RALYL: variants seen among roughly 807,000 people sequenced by gnomAD.
The protein encoded by RALYL is RNA-binding Raly-like protein.
Under a neutral mutation model 35.1 loss-of-function variants are expected in RALYL, and 29 were observed. The observed-to-expected ratio is 0.83, with a 90% CI of 0.61 to 1.13. The LOEUF (loss-of-function observed/expected upper bound fraction) is 1.13, where lower values mean the gene tolerates loss of function less well. Ranked by LOEUF, RALYL falls within the 50% of genes most tolerant of loss-of-function variation. RALYL has a pLI of 0.00. For missense variants in RALYL, 359 were observed against 360.4 expected, an observed-to-expected ratio of 1.00 and a Z score of 0.03; for synonymous variants, 120 against 127.6, an observed-to-expected ratio of 0.94 and a Z score of 0.40.
chr8:84,294,299 A>G (rs958578078), intron 1 of RALYL, among the ~76,000 whole-genome samples: 1 of 152,170 alleles, frequency 6.6e-6, no homozygotes, highest in African/African-American at 2.4e-5. Flanking sequence ...ATGTGGAATT[A>G]GAGGATGCAA....
intron 1 of RALYL, among the ~76,000 whole-genome samples, chr8:84,456,125 A>G (rs904043255): frequency 6.6e-6 from 1 of 152,022 alleles, no homozygotes; most frequent in African/African-American, 2.4e-5. Flanking sequence ...AAGAGAGACC[A>G]ATGGGGCAGA....
At chr8:84,471,252 C>T (rs2052704965) in intron 1 of RALYL, among the ~76,000 whole-genome samples, 1 of 151,914 alleles carries the variant, frequency 6.6e-6, no homozygotes, top group African/African-American at 2.4e-5. Context: ...TTAAAATTAG[C>T]TCTTTGTTTA....
chr8:84,455,161 G>A (rs1382608211), intron 1 of RALYL, among the ~76,000 whole-genome samples: 1 of 152,002 alleles, frequency 6.6e-6, no homozygotes, highest in Non-Finnish European at 1.5e-5. Flanking sequence ...ATCTCTGGCT[G>A]AGTTCATCGG....
chr8:84,708,544 C>A (rs1336407716), intron 2 of RALYL, among the ~76,000 whole-genome samples: 1 of 151,992 alleles, frequency 6.6e-6, no homozygotes, highest in Non-Finnish European at 1.5e-5. Flanking sequence ...ATTGCCAGAG[C>A]CAAACAGGTA....
intron 2 of RALYL, among the ~76,000 whole-genome samples, chr8:84,704,479 A>G (rs1174160361): frequency 9.7e-6 from 1 of 102,770 alleles, no homozygotes; most frequent in Non-Finnish European, 2.1e-5. Flanking sequence ...ACACACACAC[A>G]CACAACAACT....
intron 1 of RALYL, among the ~76,000 whole-genome samples, chr8:84,228,887 C>T (rs557429119): frequency 9.2e-5 from 14 of 152,246 alleles, no homozygotes; most frequent in East Asian, 3.9e-4. Flanking sequence ...GAGAACAGTA[C>T]GGTGGAAACT....
intron 7 of RALYL, among the ~76,000 whole-genome samples, 200 bp from the exon 8 acceptor site, chr8:84,887,404 T>C (rs1253838330): frequency 6.6e-6 from 1 of 152,196 alleles, no homozygotes; most frequent in Admixed American, 6.5e-5. Flanking sequence ...ATAAATATGC[T>C]TACATGTAAG....
chr8:84,623,469 T>A (rs985899246), intron 2 of RALYL, among the ~76,000 whole-genome samples: 2 of 146,068 alleles, frequency 1.4e-5, no homozygotes, highest in Non-Finnish European at 3.1e-5. Flanking sequence ...ACCCCTTAGG[T>A]CATCCTACTG....
intron 1 of RALYL, among the ~76,000 whole-genome samples, chr8:84,203,044 A>G (rs1817272474): frequency 6.6e-6 from 1 of 152,198 alleles, no homozygotes; most frequent in Non-Finnish European, 1.5e-5. Flanking sequence ...GCCACACAAC[A>G]AAAGAATGTT....
intron 1 of RALYL, among the ~76,000 whole-genome samples, chr8:84,189,097 G>A (rs1464892631): frequency 1.3e-5 from 2 of 151,976 alleles, no homozygotes; most frequent in Non-Finnish European, 2.9e-5. Context: ...CTCCTCAGCT[G>A]GGGGTCAAGA....
chr8:84,896,873 G>A (rs1844843508), intron 8 of RALYL, among the ~76,000 whole-genome samples: 1 of 151,930 alleles, frequency 6.6e-6, no homozygotes, highest in Non-Finnish European at 1.5e-5. Flanking sequence ...ATAGAGATAG[G>A]GTCTCCAGAT....
At chr8:84,551,366 A>G (rs994275059) in intron 2 of RALYL, among the ~76,000 whole-genome samples, 1 of 152,164 alleles carries the variant, frequency 6.6e-6, no homozygotes, top group Non-Finnish European at 1.5e-5. Flanking sequence ...TGTGACATGA[A>G]TTCTAACTCA....
intron 7 of RALYL, among the ~76,000 whole-genome samples, chr8:84,880,704 A>T (rs1214459933): frequency 6.6e-6 from 1 of 152,052 alleles, no homozygotes; most frequent in Non-Finnish European, 1.5e-5. Context: ...CAAGAGTACA[A>T]TTCAATGACT....
At chr8:84,554,312 G>GT (rs1319781718) in intron 2 of RALYL, among the ~76,000 whole-genome samples, 1 of 152,092 alleles carries the variant, frequency 6.6e-6, no homozygotes, top group East Asian at 1.9e-4. Context: ...ATTGTGTTTT[G>GT]TTTTCCAACC....
At chr8:84,201,425 T>A (rs1357324087) in intron 1 of RALYL, among the ~76,000 whole-genome samples, 1 of 152,170 alleles carries the variant, frequency 6.6e-6, no homozygotes, top group African/African-American at 2.4e-5. Context: ...TGTCTCTGTA[T>A]GTAAGGGTAA....
intron 2 of RALYL, among the ~76,000 whole-genome samples, chr8:84,771,957 A>G (rs1815638638): frequency 6.6e-6 from 1 of 151,988 alleles, no homozygotes; most frequent in Non-Finnish European, 1.5e-5. Flanking sequence ...AAGATATTCT[A>G]TTTTATTGCT....
intron 1 of RALYL, among the ~76,000 whole-genome samples, chr8:84,477,916 A>C (rs182807962): frequency 8.5e-5 from 13 of 152,230 alleles, no homozygotes; most frequent in African/African-American, 3.1e-4. Context: ...TATCAGAAAA[A>C]GAAACTCCTT....
chr8:84,299,954 A>C (rs1840463562), intron 1 of RALYL, among the ~76,000 whole-genome samples: 1 of 151,856 alleles, frequency 6.6e-6, no homozygotes, highest in Non-Finnish European at 1.5e-5. Context: ...TGTCTCAATT[A>C]CATTCAGTTC....
intron 1 of RALYL, among the ~76,000 whole-genome samples, chr8:84,479,140 T>C (rs1488001034): frequency 7.0e-6 from 1 of 142,128 alleles, no homozygotes; most frequent in Non-Finnish European, 1.5e-5. Context: ...CACAGGGTTC[T>C]GTATATCCTT....
Sources: allele counts gnomAD v4.1 joint callset (sites outside exome capture counted in the v4.1 genomes callset), GRCh38; gene constraint gnomAD v4.1.1; transcripts MANE v1.5; gene names NCBI Gene and HGNC (gene_info 2026-07-23, HGNC 2026-07-21).